The following UBA5 variants were observed in gnomAD, a reference collection of about 807,000 sequenced individuals.
UBA5 encodes ubiquitin-like modifier-activating enzyme 5.
UBA5 carries 28 observed loss-of-function variants against 52.9 expected under a neutral mutation model. The observed-to-expected ratio is 0.53, with a 90% CI of 0.39 to 0.73. The LOEUF (loss-of-function observed/expected upper bound fraction) is 0.73. Ranked by LOEUF, UBA5 falls within the 30% of genes least tolerant of loss-of-function variation. The pLI, the probability that UBA5 is intolerant of heterozygous loss-of-function variation, is 0.00. For missense variants in UBA5, 388 were observed against 492.7 expected (o/e 0.79, Z 2.01); for synonymous variants, 135 against 162.1 (o/e 0.83, Z 1.27).
At position 132,677,274 on chromosome 3, in the gene UBA5, G is replaced by A. The variant is rs1366975819; in HGVS notation, c.*748G>A. The A allele has an allele frequency of 6.1e-6, 1 of 162,806 alleles. No individual in the cohort carries two copies. Among genetic ancestry groups the A allele is most frequent in the Non-Finnish European group, 1.4e-5 (1 of 73,930 alleles). The allele number at this position is 162,806 out of a possible 1,614,324, so 10.1% of individuals were successfully genotyped here. On this transcript the variant is annotated 3_prime_UTR_variant, in exon 12 of 12. Coordinates refer to ENST00000356232, the MANE Select transcript of UBA5 (RefSeq NM_024818.6). ...TGCATCTGTGGAACATATATCTGGA[G>A]TTACTATACTTTACTGAAGAGCAAG... is the stretch of plus-strand genomic sequence containing the variant.
At chr3:132,671,073 T>C in intron 6 of UBA5, 24 bp downstream of exon 6, 1 of 1,577,958 alleles carries the variant, frequency 6.3e-7, no homozygotes, top group Non-Finnish European at 8.7e-7. Flanking sequence ...CTGTGCAAGA[T>C]ATATTCATGG....
At position 132,671,059 on chromosome 3, in the gene UBA5, C is replaced by T. The variant is rs1938580430; in HGVS notation, c.579+10C>T. 6 of 1,602,292 alleles carry T rather than the reference C, an allele frequency of 3.7e-6. No homozygotes were observed. In the East Asian group the frequency reaches 1.1e-4, roughly 30 times the overall value. On this transcript the variant is annotated intron_variant, in intron 6 of 11. Coordinates refer to ENST00000356232, the MANE Select transcript of UBA5 (RefSeq NM_024818.6). ...AATGACAATAAATACAGTGAGTATT[C>T]CTGCTGTGCAAGATATATTCATGGA...
At position 132,678,154 on chromosome 3, in the gene UBA5, CCTGTGTCTTACA is replaced by C. The variant is rs1364613934; in HGVS notation, c.*1632_*1643del. The C allele has an allele frequency of 6.6e-6, 1 of 152,106 alleles. No individual in the cohort carries two copies. Among genetic ancestry groups the C allele is most frequent in the Non-Finnish European group, 1.5e-5 (1 of 68,002 alleles). 9.4% of individuals were successfully genotyped at this position (152,106 alleles called of 1,614,324 possible). A position where few individuals can be genotyped will look rare whatever the true frequency, so the allele number is the denominator to read the frequency against. On this transcript the variant is annotated 3_prime_UTR_variant, in exon 12 of 12. Coordinates refer to ENST00000356232, the MANE Select transcript of UBA5 (RefSeq NM_024818.6). ...CTCTCAAGTTGGCATTGCATCACTG[CCTGTGTCTTACA>C]CTGCACCAAATGTTACCTAATTGAC...
intron 7 of UBA5, 39 bp from the exon 8 acceptor site, chr3:132,672,011 T>G (rs1457547400): frequency 6.2e-7 from 1 of 1,609,888 alleles, no homozygotes; most frequent in South Asian, 1.1e-5. Context: ...CTCATACTTT[T>G]TCTCTTTTTT....
At chr3:132,670,330 T>C in intron 5 of UBA5, 46 bp downstream of exon 5, 3 of 778,376 alleles carry the variant, frequency 3.9e-6, no homozygotes, top group Non-Finnish European at 6.1e-6. Flanking sequence ...CCAGCTCAAG[T>C]ATTAGAAAAT....
Position 132,676,371 on chromosome 3 carries a change from G to C in UBA5, c.1132-72G>C. On this transcript the variant is annotated intron_variant, in intron 11 of 11. Coordinates refer to ENST00000356232, the MANE Select transcript of UBA5 (RefSeq NM_024818.6). This position sits in a 1 kb window ranked among gnomAD's most constrained non-coding sequence, Gnocchi z 4.1. ...TTGTTGAGCATGGTCAAAACTTGCT[G>C]ATTATATATTCCTAAGCATCAAGAA... is the stretch of plus-strand genomic sequence containing the variant. 1 of 1,223,456 alleles carries C rather than the reference G, an allele frequency of 8.2e-7. No individual in the cohort carries two copies. 75.8% of individuals were successfully genotyped at this position (1,223,456 alleles called of 1,614,324 possible). A position where few individuals can be genotyped will look rare whatever the true frequency, so the allele number is the denominator to read the frequency against.
chr3:132,665,146 T>A (rs1278171741), intron 1 of UBA5, among the ~76,000 whole-genome samples: 1 of 152,108 alleles, frequency 6.6e-6, no homozygotes, highest in Non-Finnish European at 1.5e-5. Flanking sequence ...CTGATTCACG[T>A]AATTGACTAA....
rs143179021 is a variant in UBA5, at chr3:132,661,113, C to A, written c.161+415C>A. Reference sequence around the variant, plus strand: ...TAAATGGGGTCGGGGCGGGGGAGAGCGGGGTTAGCTCTATTCTGAGATATT... The same window carrying A: ...TAAATGGGGTCGGGGCGGGGGAGAGAGGGGTTAGCTCTATTCTGAGATATT... On this transcript the variant is annotated intron_variant, in intron 1 of 11. Coordinates refer to ENST00000356232, the MANE Select transcript of UBA5 (RefSeq NM_024818.6). The A allele has an allele frequency of 3.0e-4, 365 of 1,229,804 alleles. 3 individuals carry two copies. The East Asian group carries it at 0.014, about 46-fold the overall frequency. The allele number at this position is 1,229,804 out of a possible 1,614,324, so 76.2% of individuals were successfully genotyped here. A position where few individuals can be genotyped will look rare whatever the true frequency, so the allele number is the denominator to read the frequency against.
chr3:132,675,324 A>C lies in UBA5; in HGVS notation c.889A>C (p.Met297Leu). Reference sequence around the variant, plus strand: ...GCAGGATTTTTTTCCTACTATGTCCATGAAGCCAAATCCTCAGTGTGATGA... The same window carrying C: ...GCAGGATTTTTTTCCTACTATGTCCCTGAAGCCAAATCCTCAGTGTGATGA... ...AMQDFFPTMSMKPNPQCDDRN... is the reference protein window; with the variant it reads ...AMQDFFPTMSLKPNPQCDDRN... The change falls in exon 9 of 12, where the codon ATG becomes CTG. Residue 297 changes from methionine to leucine, a missense_variant. Met to Leu is a conservative substitution (Grantham distance 15). This residue lies in a region of UBA5 where 277 missense variants were observed against 326.4 expected (regional missense o/e 0.85). Transcript: ENST00000356232. 6.2e-7 allele frequency: 1 copy of C among 1,613,700 alleles called. No individual in the cohort carries two copies.
intron 1 of UBA5, among the ~76,000 whole-genome samples, chr3:132,655,141 T>A (rs990001199): frequency 6.6e-6 from 1 of 152,226 alleles, no homozygotes; most frequent in Non-Finnish European, 1.5e-5. Context: ...TTATGCAGCA[T>A]GTGACTATAT....
upstream of UBA5, chr3:132,659,794 C>G (rs985511280): frequency 1.3e-6 from 2 of 1,547,278 alleles, no homozygotes; most frequent in African/African-American, 1.4e-5. Context: ...CCACAGGTCT[C>G]GAGTGCCGAA....
At chr3:132,665,454 C>T (rs143896066) in intron 1 of UBA5, among the ~76,000 whole-genome samples, 4 of 152,238 alleles carry the variant, frequency 2.6e-5, no homozygotes, top group African/African-American at 4.8e-5. Context: ...CATGAATTTA[C>T]TCTGATGATG....
At position 132,676,780 on chromosome 3, in the gene UBA5, CAT is replaced by C. The variant is rs1938858195; in HGVS notation, c.*256_*257del. 2 of 530,704 alleles carry C rather than the reference CAT, an allele frequency of 3.8e-6. No individual in the cohort carries two copies. Among genetic ancestry groups the C allele is most frequent in the Non-Finnish European group, 7.2e-6 (2 of 275,894 alleles). 32.9% of individuals were successfully genotyped at this position (530,704 alleles called of 1,614,324 possible). ...GTAGGATATAAATCTTACTTGAAAA[CAT>C]AGCTGTTGAAATGTTTTGGCCTTTT... On this transcript the variant is annotated 3_prime_UTR_variant, in exon 12 of 12. Transcript: ENST00000356232. This position sits in a 1 kb window ranked among gnomAD's most constrained non-coding sequence, Gnocchi z 4.1.
At position 132,668,905 on chromosome 3, in the gene UBA5, C is replaced by G. The variant is rs773209691; in HGVS notation, c.385C>G (p.Gln129Glu). The G allele has an allele frequency of 6.2e-7, 1 of 1,609,584 alleles. No individual in the cohort carries two copies. Among genetic ancestry groups the G allele is most frequent in the Non-Finnish European group, 8.5e-7 (1 of 1,178,164 alleles). ...QPHQAGLSKVQAAEHTLRNIN... is the reference protein window; with the variant it reads ...QPHQAGLSKVEAAEHTLRNIN... ...TCATCAAGCAGGATTAAGTAAAGTT[C>G]AAGCAGCAGAACATACTCTGAGGTA... Residue 129 changes from glutamine to glutamate, a missense_variant, in exon 4 of 12, where the codon CAA becomes GAA. Physicochemically the swap from Gln to Glu is conservative, Grantham distance 29. This residue lies in a region of UBA5 where 277 missense variants were observed against 326.4 expected (regional missense o/e 0.85). Transcript: ENST00000356232.
rs1411979606 is a variant in UBA5 at position 132,679,623 on chromosome 3, A to G, written c.*3097A>G. Among the ~76,000 whole-genome samples the G allele has an allele frequency of 6.6e-6, 1 of 152,200 alleles. No individual in the cohort carries two copies. The highest frequency in any genetic ancestry group is 1.5e-5 in the Non-Finnish European group (1 of 68,036). Reference sequence around the variant, plus strand: ...AATTTTGGAGGTACAAAGAATAAATAATATTCTTAAGGTAGTTTTTCCTTT... The same window carrying G: ...AATTTTGGAGGTACAAAGAATAAATGATATTCTTAAGGTAGTTTTTCCTTT... On this transcript the variant is annotated 3_prime_UTR_variant, in exon 12 of 12. Coordinates refer to ENST00000356232, the MANE Select transcript of UBA5 (RefSeq NM_024818.6).
intron 1 of UBA5, among the ~76,000 whole-genome samples, chr3:132,664,271 G>C (rs1938280915): frequency 6.6e-6 from 1 of 152,152 alleles, no homozygotes; most frequent in South Asian, 2.1e-4. Context: ...TTAAAATGTT[G>C]AAAGACAATT....
In UBA5 at chr3:132,678,072, A is replaced by C. The variant is rs1576655791; in HGVS notation, c.*1546A>C. On this transcript the variant is annotated 3_prime_UTR_variant, in exon 12 of 12. Coordinates refer to ENST00000356232, the MANE Select transcript of UBA5 (RefSeq NM_024818.6). ...GCATATCAATTTAGTAAGGTTTTAT[A>C]AAATTTTACAATTTGATAAAGTATC... 6.6e-6 allele frequency: 1 copy of C among 152,228 alleles called. No homozygotes were observed. The highest frequency in any genetic ancestry group is 1.9e-4 in the East Asian group (1 of 5,204). 9.4% of individuals were successfully genotyped at this position (152,228 alleles called of 1,614,324 possible). A position where few individuals can be genotyped will look rare whatever the true frequency, so the allele number is the denominator to read the frequency against.
chr3:132,666,185 T>C (rs1276132888), intron 3 of UBA5, 112 bp downstream of exon 3: 2 of 804,244 alleles, frequency 2.5e-6, no homozygotes, highest in Admixed American at 4.3e-5. Flanking sequence ...TTGCAGTGTA[T>C]TAATCTAGAT....
upstream of UBA5, chr3:132,660,229 A>G: frequency 3.9e-6 from 2 of 515,086 alleles, no homozygotes; most frequent in South Asian, 2.3e-5. The surrounding 1 kb of genome is among the most constrained non-coding windows in gnomAD (Gnocchi z 4.1). Context: ...TGCCCTGGAC[A>G]CTTATCACCC....
Sources: allele counts gnomAD v4.1 joint callset (sites outside exome capture counted in the v4.1 genomes callset), GRCh38; gene constraint gnomAD v4.1.1; regional missense constraint gnomAD v4.1.1; non-coding constraint Gnocchi (gnomAD v3.1); transcripts MANE v1.5; gene names NCBI Gene and HGNC (gene_info 2026-07-23, HGNC 2026-07-21).